The following NRF1 variants were observed in gnomAD, a reference collection of about 807,000 sequenced individuals.
The protein encoded by NRF1 is nuclear respiratory factor 1, also known as alpha palindromic-binding protein.
Under a neutral mutation model 58.5 loss-of-function variants are expected in NRF1, and 5 were observed. The observed-to-expected ratio is 0.09, with a 90% CI of 0.04 to 0.18. The LOEUF (loss-of-function observed/expected upper bound fraction) is 0.18. Ranked by LOEUF, NRF1 falls within the 10% of genes least tolerant of loss-of-function variation. The pLI is 1.00. For synonymous variants in NRF1, 224 were observed against 246.7 expected (o/e 0.91, Z 0.86); for missense variants, 288 against 657.7 (o/e 0.44, Z 6.15).
intron 1 of NRF1, among the ~76,000 whole-genome samples, chr7:129,619,083 AAAAACT>A (rs1800714237): frequency 6.6e-6 from 1 of 152,024 alleles, no homozygotes; most frequent in Non-Finnish European, 1.5e-5. Context: ...AGTGAAGAAA[AAAAACT>A]AAGGGCAACC....
In NRF1 at chr7:129,717,501, G is replaced by A. The variant is rs955439288; in HGVS notation, c.1223+125G>A. 7.2e-5 allele frequency: 75 copies of A among 1,041,430 alleles called. No homozygotes were observed. The African/African-American group carries it at 1.1e-3, about 15-fold the overall frequency. The allele number at this position is 1,041,430 out of a possible 1,614,324, so 64.5% of individuals were successfully genotyped here. ...TTGGCAGTTGGAACTTAACACTCTT[G>A]GCCCATACGATATTGTAGTTTGGCC... is the stretch of plus-strand genomic sequence containing the variant. On this transcript the variant is annotated intron_variant, in intron 9 of 10. Coordinates refer to ENST00000393232, the MANE Select transcript of NRF1 (RefSeq NM_005011.5).
chr7:129,662,556 G>A (rs568398500), intron 2 of NRF1, among the ~76,000 whole-genome samples: 40 of 151,902 alleles, frequency 2.6e-4, no homozygotes, highest in African/African-American at 8.2e-4. Flanking sequence ...TCTTGTTCAC[G>A]TTGGCTCTTT....
intron 1 of NRF1, among the ~76,000 whole-genome samples, chr7:129,623,556 A>G (rs2001583): frequency 6.6e-6 from 1 of 151,916 alleles, no homozygotes; most frequent in Non-Finnish European, 1.5e-5. Context: ...TTCTTAAAAA[A>G]TTTATATGGT....
intron 6 of NRF1, 49 bp downstream of exon 6, chr7:129,709,282 T>C: frequency 7.2e-7 from 1 of 1,391,316 alleles, no homozygotes; most frequent in Non-Finnish European, 9.5e-7. Context: ...CATCCTAAAT[T>C]AACCACCTCA....
chr7:129,729,877 ACCCAGGCTG>A lies in NRF1; in HGVS notation c.1348+2513_1348+2521del, dbSNP rs1803538906. On this transcript the variant is annotated intron_variant, in intron 10 of 10. Coordinates refer to ENST00000393232, the MANE Select transcript of NRF1 (RefSeq NM_005011.5). ...TTTTGAGACAGAGTCTTGCTCTGTC[ACCCAGGCTG>A]GAGTGCAGTGGCACAATCTCAACTC... Among the ~76,000 whole-genome samples, 3 of 152,238 alleles carry A rather than the reference ACCCAGGCTG, an allele frequency of 2.0e-5. No individual in the cohort carries two copies. The South Asian group carries it at 6.2e-4, about 32-fold the overall frequency.
At chr7:129,735,473 T>A (rs934480651) in intron 10 of NRF1, among the ~76,000 whole-genome samples, 12 of 151,480 alleles carry the variant, frequency 7.9e-5, no homozygotes, top group Non-Finnish European at 7.4e-5. Context: ...GAGGTTGCGG[T>A]GAGCCAAGAT....
chr7:129,676,318 G>C (rs958797355), intron 3 of NRF1, among the ~76,000 whole-genome samples: 1 of 152,242 alleles, frequency 6.6e-6, no homozygotes, highest in African/African-American at 2.4e-5. Context: ...CGGCCTTGCT[G>C]TCAGCCTATC....
chr7:129,737,562 C>T (rs1300438737), intron 10 of NRF1, among the ~76,000 whole-genome samples: 2 of 148,958 alleles, frequency 1.3e-5, no homozygotes. Context: ...CTGTAAAACA[C>T]ATCTCCTTCC....
chr7:129,637,085 C>G (rs1449097113), intron 1 of NRF1, among the ~76,000 whole-genome samples: 1 of 152,048 alleles, frequency 6.6e-6, no homozygotes, highest in Admixed American at 6.6e-5. Context: ...CAGTGAAATA[C>G]TTGGATTAAT....
Position 129,741,429 on chromosome 7 carries a change from A to G in NRF1, c.1349-13589A>G, listed in dbSNP as rs1803844774. On this transcript the variant is annotated intron_variant, in intron 10 of 10. Coordinates refer to ENST00000393232, the MANE Select transcript of NRF1 (RefSeq NM_005011.5). The surrounding 1 kb of genome is among the most constrained non-coding windows in gnomAD (Gnocchi z 4.0). Reference sequence around the variant, plus strand: ...TGGTCTTAGATTATTCCAGCTCCTTATAAACCAAGACTGAATCTTGTGCCT... The same window carrying G: ...TGGTCTTAGATTATTCCAGCTCCTTGTAAACCAAGACTGAATCTTGTGCCT... Among the ~76,000 whole-genome samples, 1 of 152,176 alleles carries G rather than the reference A, an allele frequency of 6.6e-6. No homozygotes were observed. The highest frequency in any genetic ancestry group is 1.5e-5 in the Non-Finnish European group (1 of 68,036).
At chr7:129,667,518 G>A (rs896059797) in intron 2 of NRF1, among the ~76,000 whole-genome samples, 5 of 151,558 alleles carry the variant, frequency 3.3e-5, no homozygotes, top group African/African-American at 9.7e-5. Flanking sequence ...CCAATAATAT[G>A]TATTGTAATT....
chr7:129,697,384 A>AT (rs1203156160), intron 5 of NRF1, among the ~76,000 whole-genome samples: 1 of 151,658 alleles, frequency 6.6e-6, no homozygotes, highest in Non-Finnish European at 1.5e-5. Context: ...TCCACTAAAA[A>AT]TTTAAAAAAA....
At chr7:129,612,442 G>A (rs902214535) in intron 1 of NRF1, among the ~76,000 whole-genome samples, 9 of 152,216 alleles carry the variant, frequency 5.9e-5, no homozygotes, top group South Asian at 2.1e-4. Flanking sequence ...GGTAGACTGG[G>A]GGACGCTGGA....
chr7:129,726,226 A>G (rs982579137), intron 9 of NRF1, among the ~76,000 whole-genome samples: 2 of 152,210 alleles, frequency 1.3e-5, no homozygotes, highest in African/African-American at 4.8e-5. Flanking sequence ...TTGACACCTG[A>G]TACTTTACCA....
chr7:129,648,917 A>AT lies in NRF1; in HGVS notation c.-6-8415dup, dbSNP rs200283822. ...GAACTACATGTACAACTATAGCTTC[A>AT]TTTTTTTTTTTTTTCAACTGTAGAG... On this transcript the variant is annotated intron_variant, in intron 1 of 10. Coordinates refer to ENST00000393232, the MANE Select transcript of NRF1 (RefSeq NM_005011.5). 1.9e-3 allele frequency among the ~76,000 whole-genome samples: 235 copies of AT among 121,146 alleles called. 2 individuals are homozygous for AT. The highest frequency in any genetic ancestry group is 6.8e-3 in the Admixed American group (82 of 12,036). The allele number at this position is 121,146 out of a possible 152,430, so 79.5% of individuals were successfully genotyped here.
intron 1 of NRF1, among the ~76,000 whole-genome samples, chr7:129,650,490 A>G (rs527942057): frequency 2.6e-5 from 4 of 152,280 alleles, no homozygotes; most frequent in Middle Eastern, 6.8e-3. Flanking sequence ...AGTCTCTTAC[A>G]CAGTTAAGAA....
chr7:129,670,958 T>C (rs1192795085), intron 2 of NRF1, among the ~76,000 whole-genome samples: 1 of 152,208 alleles, frequency 6.6e-6, no homozygotes, highest in African/African-American at 2.4e-5. Flanking sequence ...GTTCCAAATG[T>C]GAGTGATTAT....
chr7:129,711,206 G>C (rs1278791241), intron 7 of NRF1, among the ~76,000 whole-genome samples: 1 of 152,184 alleles, frequency 6.6e-6, no homozygotes, highest in African/African-American at 2.4e-5. Flanking sequence ...ATTGAGGTGA[G>C]AATAGAAAGT....
rs148400156 is a variant in NRF1, at chr7:129,661,829, G to A, written c.223+4255G>A. On this transcript the variant is annotated intron_variant, in intron 2 of 10. Transcript: ENST00000393232. Reference sequence around the variant, plus strand: ...CACATTTTTAGGTATCTTTTCAGCAGCACCCCACTCCTGGTACCAATTTAC... The same window carrying A: ...CACATTTTTAGGTATCTTTTCAGCAACACCCCACTCCTGGTACCAATTTAC... Among the ~76,000 whole-genome samples the A allele has an allele frequency of 5.1e-3, 773 of 150,756 alleles. 67 individuals are homozygous for A. Among genetic ancestry groups the A allele is most frequent in the African/African-American group, 0.018 (716 of 40,152 alleles).
Sources: gnomAD v4.1 joint callset for allele counts (sites outside exome capture counted in the v4.1 genomes callset) on GRCh38, gnomAD v4.1.1 for gene constraint, Gnocchi (gnomAD v3.1) non-coding constraint, MANE v1.5 for transcripts, NCBI Gene and HGNC (gene_info 2026-07-23, HGNC 2026-07-21) for gene names.